The following FCHO2 variants were observed in gnomAD, a reference collection of about 807,000 sequenced individuals.
The protein encoded by FCHO2 is FCH and mu domain containing endocytic adaptor 2.
FCHO2 carries 43 observed loss-of-function variants against 114.1 expected under a neutral mutation model. The ratio of observed to expected loss-of-function variants is 0.38; its 90% CI spans 0.30 to 0.49. The LOEUF (loss-of-function observed/expected upper bound fraction) is 0.49. Ranked by LOEUF, FCHO2 falls within the 20% of genes least tolerant of loss-of-function variation. The pLI is 0.97. For synonymous variants in FCHO2, 293 were observed against 315.2 expected, an observed-to-expected ratio of 0.93 and a Z score of 0.75; for missense variants, 807 against 950.4, an observed-to-expected ratio of 0.85 and a Z score of 1.98.
intron 24 of FCHO2, among the ~76,000 whole-genome samples, chr5:73,085,866 T>C (rs1052470495): frequency 4.6e-5 from 7 of 151,814 alleles, no homozygotes; most frequent in Non-Finnish European, 7.4e-5. Context: ...GGCTCACACC[T>C]GAAATCCCAG....
At chr5:73,050,817 T>G (rs936377965) in intron 11 of FCHO2, among the ~76,000 whole-genome samples, 4 of 152,184 alleles carry the variant, frequency 2.6e-5, no homozygotes, top group Non-Finnish European at 5.9e-5. Context: ...GCTGCCTCTC[T>G]CATGACACAC....
At chr5:72,990,664 A>C (rs1385125537) in intron 4 of FCHO2, 45 bp downstream of exon 4, 7 of 1,531,890 alleles carry the variant, frequency 4.6e-6, no homozygotes, top group South Asian at 1.3e-5. Context: ...TCAGATATTG[A>C]ATACTTTATA....
chr5:72,971,528 G>A (rs1263702595), intron 2 of FCHO2, among the ~76,000 whole-genome samples: 10 of 152,224 alleles, frequency 6.6e-5, no homozygotes, highest in East Asian at 5.8e-4. Context: ...CATGTCCTTC[G>A]CCCACTTTTG....
intron 2 of FCHO2, among the ~76,000 whole-genome samples, chr5:72,976,739 A>G (rs986315073): frequency 1.3e-5 from 2 of 152,000 alleles, no homozygotes; most frequent in East Asian, 1.9e-4. Flanking sequence ...TGTCATCCAC[A>G]TTAGGTCTTT....
chr5:73,063,576 A>G (rs1175554466), intron 17 of FCHO2, among the ~76,000 whole-genome samples: 8 of 152,062 alleles, frequency 5.3e-5, no homozygotes, highest in Admixed American at 4.6e-4. Flanking sequence ...TAATTTTTAT[A>G]TGTATAGATA....
At chr5:72,966,595 T>C (rs1752218114) in intron 1 of FCHO2, among the ~76,000 whole-genome samples, 1 of 152,278 alleles carries the variant, frequency 6.6e-6, no homozygotes, top group Admixed American at 6.5e-5. Context: ...TATTATCTTG[T>C]TACAGATGTG....
chr5:73,051,965 G>A (rs181887233), intron 12 of FCHO2, among the ~76,000 whole-genome samples: 1 of 151,476 alleles, frequency 6.6e-6, no homozygotes, highest in African/African-American at 2.4e-5. Flanking sequence ...ACTCTGTCAC[G>A]CAGGCTGGAG....
intron 10 of FCHO2, among the ~76,000 whole-genome samples, chr5:73,039,216 A>G (rs751899191): frequency 5.3e-5 from 8 of 152,190 alleles, no homozygotes; most frequent in Non-Finnish European, 1.2e-4. Flanking sequence ...ATGCCTCTTC[A>G]TAGCCTGAAG....
intron 8 of FCHO2, among the ~76,000 whole-genome samples, chr5:73,033,465 C>T (rs886417707): frequency 1.3e-5 from 2 of 152,034 alleles, no homozygotes; most frequent in African/African-American, 4.8e-5. Flanking sequence ...GTTAATCAAT[C>T]AGTGGCTTTC....
intron 1 of FCHO2, among the ~76,000 whole-genome samples, chr5:72,963,262 G>A (rs1259572761): frequency 6.6e-6 from 1 of 152,140 alleles, no homozygotes; most frequent in African/African-American, 2.4e-5. Flanking sequence ...TTAAAACCAA[G>A]GGGAGTGAGT....
chr5:72,968,415 A>G (rs1752324381), intron 1 of FCHO2, 83 bp from the exon 2 acceptor site: 12 of 904,704 alleles, frequency 1.3e-5, no homozygotes, highest in Non-Finnish European at 1.8e-5. Flanking sequence ...ACAGGATTGC[A>G]TATTAGTTAA....
At chr5:73,039,358 T>C (rs931216169) in intron 10 of FCHO2, among the ~76,000 whole-genome samples, 2 of 152,088 alleles carry the variant, frequency 1.3e-5, no homozygotes, top group Non-Finnish European at 2.9e-5. Context: ...ATGACTGGAG[T>C]GTTTTGGCCT....
intron 11 of FCHO2, 90 bp from the exon 12 acceptor site, chr5:73,051,259 T>A (rs1757321947): frequency 2.4e-6 from 2 of 831,854 alleles, no homozygotes; most frequent in Non-Finnish European, 3.8e-6. Flanking sequence ...GCGGTTTGGT[T>A]CCTAAGTAAT....
intron 6 of FCHO2, among the ~76,000 whole-genome samples, chr5:73,012,454 A>G (rs1262960926): frequency 1.3e-5 from 2 of 152,032 alleles, no homozygotes; most frequent in African/African-American, 2.4e-5. Context: ...AACTCTGTCT[A>G]CTAAAAATAC....
chr5:73,068,670 T>C lies in FCHO2; in HGVS notation c.1470T>C (p.Pro490=). 3 of 1,611,684 alleles carry C rather than the reference T, an allele frequency of 1.9e-6. No homozygotes were observed. Among genetic ancestry groups the C allele is most frequent in the Non-Finnish European group, 2.5e-6 (3 of 1,178,540 alleles). Residue 490 remains proline, a synonymous_variant, in exon 19 of 26, where the codon CCT becomes CCC. Coordinates refer to ENST00000430046, the MANE Select transcript of FCHO2 (RefSeq NM_138782.3). The part of the protein sequence containing the change: ...INEIPRPFSP[P]VTSNTSPPPA... ...TTAAGCCCAGGCCATTCAGCCCACC[T>C]GTAACTTCCAACACCAGCCCACCTC...
chr5:73,065,826 T>TA (rs1272610733), intron 18 of FCHO2, among the ~76,000 whole-genome samples: 3 of 152,096 alleles, frequency 2.0e-5, no homozygotes, highest in Admixed American at 1.3e-4. Context: ...GGGCTTTTGG[T>TA]GTACCCATTA....
intron 8 of FCHO2, among the ~76,000 whole-genome samples, chr5:73,018,268 CAG>C (rs1384154548): frequency 4.6e-5 from 7 of 152,088 alleles, no homozygotes; most frequent in African/African-American, 1.7e-4. Flanking sequence ...TTTTTCCCTT[CAG>C]ACTTTCTTTT....
chr5:73,073,961 T>C (rs1742794560), intron 19 of FCHO2, among the ~76,000 whole-genome samples: 1 of 152,092 alleles, frequency 6.6e-6, no homozygotes, highest in Non-Finnish European at 1.5e-5. Context: ...TCAGTAGCAG[T>C]AGCAGTAAGG....
intron 18 of FCHO2, among the ~76,000 whole-genome samples, chr5:73,064,710 T>A (rs1468491294): frequency 6.6e-6 from 1 of 152,024 alleles, no homozygotes; most frequent in Admixed American, 6.6e-5. Flanking sequence ...TCTCCCCTTT[T>A]CAACCTAGGT....
Sources: allele counts gnomAD v4.1 joint callset (sites outside exome capture counted in the v4.1 genomes callset), GRCh38; gene constraint gnomAD v4.1.1; transcripts MANE v1.5; gene names NCBI Gene and HGNC (gene_info 2026-07-23, HGNC 2026-07-21).